Variants in GNG12 observed in about 807,000 individuals in gnomAD.
GNG12 encodes the protein guanine nucleotide-binding protein G(I)/G(S)/G(O) subunit gamma-12.
For synonymous variants in GNG12, 28 were observed against 29.7 expected (o/e 0.94, Z 0.19); for missense variants, 69 against 83.8 (o/e 0.82, Z 0.69).
chr1:67,766,489 C>A (rs989023619), intron 2 of GNG12, among the ~76,000 whole-genome samples: 9 of 152,138 alleles, frequency 5.9e-5, no homozygotes, highest in Non-Finnish European at 1.0e-4. Flanking sequence ...TACGGCGGAG[C>A]ATAAGCAGGG....
At chr1:67,792,301 CAT>C (rs1491314451) in intron 1 of GNG12, among the ~76,000 whole-genome samples, 1 of 150,380 alleles carries the variant, frequency 6.6e-6, no homozygotes, top group Non-Finnish European at 1.5e-5. Context: ...AAAAAATACA[CAT>C]TTTTTGGTTA....
At chr1:67,801,459 G>C (rs1646865227) in intron 1 of GNG12, among the ~76,000 whole-genome samples, 1 of 152,208 alleles carries the variant, frequency 6.6e-6, no homozygotes, top group Admixed American at 6.5e-5. Context: ...CCTACATGCT[G>C]ATTTCTTCAA....
chr1:67,786,078 G>A (rs1292998275), intron 1 of GNG12, among the ~76,000 whole-genome samples: 1 of 152,048 alleles, frequency 6.6e-6, no homozygotes. Flanking sequence ...AAATAATCTG[G>A]ATCAAATTAT....
chr1:67,810,936 T>A (rs949309884), intron 1 of GNG12, among the ~76,000 whole-genome samples: 3 of 152,186 alleles, frequency 2.0e-5, no homozygotes, highest in Non-Finnish European at 4.4e-5. Flanking sequence ...CAACAGGTAG[T>A]TAGTGTTAAC....
intron 1 of GNG12, 23 bp downstream of exon 1, chr1:67,833,321 C>T: frequency 2.1e-6 from 2 of 942,308 alleles, no homozygotes; most frequent in Non-Finnish European, 2.5e-6. Context: ...ACTCACCACC[C>T]GCGCCCGCCG....
At chr1:67,767,590 C>G (rs1262911075) in intron 2 of GNG12, among the ~76,000 whole-genome samples, 1 of 152,208 alleles carries the variant, frequency 6.6e-6, no homozygotes, top group Non-Finnish European at 1.5e-5. Flanking sequence ...GCCAACTATA[C>G]TAGTCTTTAC....
At chr1:67,802,338 T>C (rs1040341280) in intron 1 of GNG12, among the ~76,000 whole-genome samples, 5 of 152,178 alleles carry the variant, frequency 3.3e-5, no homozygotes, top group African/African-American at 1.2e-4. Flanking sequence ...AAACAGGATC[T>C]GAGAGACAAA....
At chr1:67,713,354 A>C (rs1398274689) in intron 2 of GNG12, among the ~76,000 whole-genome samples, 7 of 152,222 alleles carry the variant, frequency 4.6e-5, no homozygotes, top group Admixed American at 1.3e-4. Flanking sequence ...TAGCTATTCA[A>C]ATACTTCGCA....
chr1:67,734,449 C>A (rs1188650268), intron 2 of GNG12, among the ~76,000 whole-genome samples: 1 of 152,142 alleles, frequency 6.6e-6, no homozygotes, highest in African/African-American at 2.4e-5. Flanking sequence ...CCTTTAGACG[C>A]ACTAATTTAC....
At chr1:67,731,157 G>A (rs780426612) in intron 2 of GNG12, among the ~76,000 whole-genome samples, 1 of 151,850 alleles carries the variant, frequency 6.6e-6, no homozygotes, top group Non-Finnish European at 1.5e-5. Flanking sequence ...CCCCTCTTGA[G>A]ATTCTACCCA....
chr1:67,802,377 T>C (rs1371013329), intron 1 of GNG12, among the ~76,000 whole-genome samples: 2 of 152,162 alleles, frequency 1.3e-5, no homozygotes, highest in African/African-American at 4.8e-5. Context: ...AACCATTTAA[T>C]TGGTTCCAAA....
In GNG12 at chr1:67,705,058, A is replaced by C. The variant is rs1432333965; in HGVS notation, c.*393T>G. On this transcript the variant is annotated 3_prime_UTR_variant, in exon 4 of 4. Transcript: ENST00000370982. ...TGGCACACGCCTTATAAAGAATATA[A>C]TATCAAGGCTTTAGGATTTCAATGA... 1.2e-5 allele frequency: 2 copies of C among 166,182 alleles called. No individual in the cohort carries two copies. Among genetic ancestry groups the C allele is most frequent in the Non-Finnish European group, 2.6e-5 (2 of 77,338 alleles). The allele number at this position is 166,182 out of a possible 1,614,324, so 10.3% of individuals were successfully genotyped here. A position where few individuals can be genotyped will look rare whatever the true frequency, so the allele number is the denominator to read the frequency against.
chr1:67,744,150 C>A (rs1039101237), intron 2 of GNG12, among the ~76,000 whole-genome samples: 1 of 152,192 alleles, frequency 6.6e-6, no homozygotes, highest in Non-Finnish European at 1.5e-5. Flanking sequence ...TTCACACTAA[C>A]CCTATGAGGG....
At chr1:67,797,547 T>C (rs577325901) in intron 1 of GNG12, among the ~76,000 whole-genome samples, 1 of 152,288 alleles carries the variant, frequency 6.6e-6, no homozygotes, top group Admixed American at 6.5e-5. Context: ...AAATAAAATG[T>C]AACCCTCCAC....
intron 1 of GNG12, among the ~76,000 whole-genome samples, chr1:67,827,430 T>G (rs759938539): frequency 6.6e-6 from 1 of 151,448 alleles, no homozygotes; most frequent in Non-Finnish European, 1.5e-5. Flanking sequence ...TCCAGTTTTT[T>G]TTTTTATTTT....
chr1:67,817,577 C>T (rs1280100923), intron 1 of GNG12, among the ~76,000 whole-genome samples: 2 of 84,886 alleles, frequency 2.4e-5, no homozygotes, highest in East Asian at 6.4e-4. Flanking sequence ...GCCCGGCACA[C>T]CCCTCCTCTG....
At position 67,766,143 on chromosome 1, in the gene GNG12, CA is replaced by C. The variant is rs1557610120; in HGVS notation, c.-27+11314del. Among the ~76,000 whole-genome samples the C allele has an allele frequency of 6.9e-4, 87 of 125,734 alleles. 1 individual carries two copies. Among genetic ancestry groups the C allele is most frequent in the African/African-American group, 1.9e-3 (58 of 30,844 alleles). 82.5% of individuals were successfully genotyped at this position (125,734 alleles called of 152,430 possible). On this transcript the variant is annotated intron_variant, in intron 2 of 3. Coordinates refer to ENST00000370982, the MANE Select transcript of GNG12 (RefSeq NM_018841.6). Reference sequence around the variant, plus strand: ...ACACACACACACACACACACACACACACACACCCCTAAACAATGCCCTCATA... The same window carrying C: ...ACACACACACACACACACACACACACCACACCCCTAAACAATGCCCTCATA...
chr1:67,771,116 G>A (rs1200630891), intron 2 of GNG12, among the ~76,000 whole-genome samples: 1 of 152,192 alleles, frequency 6.6e-6, no homozygotes, highest in Non-Finnish European at 1.5e-5. Flanking sequence ...GTTATTATCA[G>A]GAAATAGGGT....
rs542114506 is a variant in GNG12, at chr1:67,772,037, A to C, written c.-27+5421T>G. ...GACAAGAAAGGAATGTGTAAGATTA[A>C]GCTAGCCAAGTCTAAAACAATTAGA... On this transcript the variant is annotated intron_variant, in intron 2 of 3. Transcript: ENST00000370982. Among the ~76,000 whole-genome samples, 10 of 152,336 alleles carry C rather than the reference A, an allele frequency of 6.6e-5. 1 individual carries two copies. In the South Asian group the frequency reaches 1.2e-3, roughly 19 times the overall value.
Sources: allele counts gnomAD v4.1 joint callset (sites outside exome capture counted in the v4.1 genomes callset), GRCh38; gene constraint gnomAD v4.1.1; transcripts MANE v1.5; gene names NCBI Gene and HGNC (gene_info 2026-07-23, HGNC 2026-07-21).